THSD4: variants seen among roughly 807,000 people sequenced by gnomAD.
THSD4 encodes the protein thrombospondin type-1 domain-containing protein 4.
In THSD4, 69 loss-of-function variants were observed where a neutral mutation model predicts 119.0. The observed-to-expected ratio is 0.58, with a 90% CI of 0.48 to 0.71. The LOEUF (loss-of-function observed/expected upper bound fraction) is 0.71, where lower values mean the gene tolerates loss of function less well. Ranked by LOEUF, THSD4 falls within the 30% of genes least tolerant of loss-of-function variation. The probability of loss-of-function intolerance (pLI) is 0.00; values close to 1 mark genes in which losing one functional copy is unlikely to be tolerated. For missense variants in THSD4, 1,393 were observed against 1,391.1 expected, an observed-to-expected ratio of 1.00 and a Z score of -0.02; for synonymous variants, 524 against 540.4, an observed-to-expected ratio of 0.97 and a Z score of 0.42.
At chr15:71,557,075 A>G (rs2140872724) in intron 7 of THSD4, among the ~76,000 whole-genome samples, 1 of 152,286 alleles carries the variant, frequency 6.6e-6, no homozygotes, top group South Asian at 2.1e-4. Flanking sequence ...GCTCAAGAGA[A>G]CACTTCTGAC....
chr15:71,711,415 C>T (rs1295733854), intron 8 of THSD4, among the ~76,000 whole-genome samples: 1 of 151,794 alleles, frequency 6.6e-6, no homozygotes, highest in African/African-American at 2.4e-5. Flanking sequence ...TATGTTTTAA[C>T]ACCTGGACAA....
At position 71,747,765 on chromosome 15, in the gene THSD4, C is replaced by T. The variant is rs534495011; in HGVS notation, c.2242-656C>T. Among the ~76,000 whole-genome samples, 15 of 152,346 alleles carry T rather than the reference C, an allele frequency of 9.8e-5. No homozygotes were observed. The South Asian group carries it at 1.4e-3, about 15-fold the overall frequency. ...AAACCAAACAAACCAGTGTCCTCTTCAATGTCCACAGGTTACGTATTAATC... is the reference window on the plus strand; with the variant it reads ...AAACCAAACAAACCAGTGTCCTCTTTAATGTCCACAGGTTACGTATTAATC... On this transcript the variant is annotated intron_variant, in intron 13 of 17. Transcript: ENST00000261862.
chr15:71,683,472 G>A (rs1349612585), intron 8 of THSD4, among the ~76,000 whole-genome samples: 1 of 152,046 alleles, frequency 6.6e-6, no homozygotes, highest in Admixed American at 6.6e-5. Context: ...AACTGGAGAC[G>A]AAAGAACAAA....
chr15:71,735,365 C>T (rs2053062722), intron 10 of THSD4, among the ~76,000 whole-genome samples: 1 of 152,140 alleles, frequency 6.6e-6, no homozygotes, highest in African/African-American at 2.4e-5. Context: ...TTGTCTGGTA[C>T]ACCTAAGGAT....
intron 7 of THSD4, among the ~76,000 whole-genome samples, chr15:71,468,424 C>T (rs920434936): frequency 3.9e-5 from 6 of 152,180 alleles, no homozygotes; most frequent in African/African-American, 1.2e-4. Context: ...TTAATATGCT[C>T]ATATGCTAAA....
chr15:71,105,554 A>T (rs1174332413), intron 1 of THSD4, among the ~76,000 whole-genome samples: 4 of 152,194 alleles, frequency 2.6e-5, no homozygotes, highest in African/African-American at 4.8e-5. Flanking sequence ...CCTCATTAGC[A>T]TAAACTCAGG....
At chr15:71,667,031 A>G (rs1393095089) in intron 8 of THSD4, among the ~76,000 whole-genome samples, 2 of 152,220 alleles carry the variant, frequency 1.3e-5, no homozygotes, top group Admixed American at 6.5e-5. Flanking sequence ...AGGAGATAAG[A>G]TGTTTATTCA....
chr15:71,371,443 T>C (rs1239271768), intron 6 of THSD4, among the ~76,000 whole-genome samples: 1 of 152,210 alleles, frequency 6.6e-6, no homozygotes, highest in Non-Finnish European at 1.5e-5. Flanking sequence ...TGTTTAGTGC[T>C]TCCTTCAGGA....
chr15:71,426,696 G>A (rs559906786), intron 7 of THSD4, among the ~76,000 whole-genome samples: 1 of 152,186 alleles, frequency 6.6e-6, no homozygotes, highest in South Asian at 2.1e-4. Context: ...GTGACTCTTT[G>A]TGGACTCTCT....
At chr15:71,560,020 A>G (rs1350035328) in intron 7 of THSD4, among the ~76,000 whole-genome samples, 4 of 152,230 alleles carry the variant, frequency 2.6e-5, no homozygotes, top group Non-Finnish European at 5.9e-5. Flanking sequence ...GTCTTATACT[A>G]TACTTTTGAC....
At chr15:71,247,860 AAGCCCAAGGCTTGAT>A (rs1335307789) in intron 5 of THSD4, among the ~76,000 whole-genome samples, 7 of 152,220 alleles carry the variant, frequency 4.6e-5, no homozygotes, top group Admixed American at 3.9e-4. Context: ...AAGCTCATTG[AAGCCCAAGGCTTGAT>A]AGCTAGAGTT....
chr15:71,599,957 T>C (rs2049975802), intron 7 of THSD4, among the ~76,000 whole-genome samples: 1 of 152,216 alleles, frequency 6.6e-6, no homozygotes, highest in African/African-American at 2.4e-5. Flanking sequence ...GACCATAAGC[T>C]CTCACATCTC....
intron 7 of THSD4, among the ~76,000 whole-genome samples, chr15:71,571,352 A>G (rs1320331010): frequency 2.0e-5 from 3 of 152,088 alleles, no homozygotes; most frequent in Admixed American, 2.0e-4. Flanking sequence ...ATGCCTAGAT[A>G]AATAAACCCT....
chr15:71,112,376 C>T (rs2040311866), upstream of THSD4: 5 of 753,242 alleles, frequency 6.6e-6, no homozygotes, highest in South Asian at 1.6e-4. Context: ...CTAGAGCTGT[C>T]TTACATAGAC....
chr15:71,345,794 T>G (rs1253878751), intron 6 of THSD4, among the ~76,000 whole-genome samples: 2 of 134,006 alleles, frequency 1.5e-5, no homozygotes, highest in Non-Finnish European at 3.4e-5. Context: ...TCTTTGGGTG[T>G]TTTGTTTTTT....
intron 8 of THSD4, among the ~76,000 whole-genome samples, chr15:71,676,037 A>G (rs150116427): frequency 6.4e-4 from 98 of 152,306 alleles, no homozygotes; most frequent in Admixed American, 3.2e-3. Context: ...CTAAATCTCC[A>G]TAGTTATTAT....
intron 1 of THSD4, among the ~76,000 whole-genome samples, chr15:71,117,829 G>A (rs904761770): frequency 1.3e-5 from 2 of 152,134 alleles, no homozygotes; most frequent in Non-Finnish European, 2.9e-5. Context: ...ATGTGCCAGG[G>A]ACTGTTACTA....
At chr15:71,490,586 G>GCC (rs1278446783) in intron 7 of THSD4, among the ~76,000 whole-genome samples, 1 of 127,362 alleles carries the variant, frequency 7.9e-6, no homozygotes, top group East Asian at 2.1e-4. Context: ...AAAAACATTA[G>GCC]CCAGGCATGG....
intron 3 of THSD4, among the ~76,000 whole-genome samples, chr15:71,183,708 T>G (rs1033327446): frequency 1.3e-5 from 2 of 151,916 alleles, no homozygotes; most frequent in Non-Finnish European, 2.9e-5. Context: ...ATGTTTCTTC[T>G]CAAGGTACTT....
Sources: allele counts gnomAD v4.1 joint callset (sites outside exome capture counted in the v4.1 genomes callset), GRCh38; gene constraint gnomAD v4.1.1; transcripts MANE v1.5; gene names NCBI Gene and HGNC (gene_info 2026-07-23, HGNC 2026-07-21).